Variants in SLC2A13 observed in about 807,000 individuals in gnomAD.
SLC2A13 encodes the protein proton myo-inositol cotransporter.
Under a neutral mutation model 64.4 loss-of-function variants are expected in SLC2A13, and 32 were observed. That is an observed-to-expected ratio of 0.50 (90% CI 0.37 to 0.67). SLC2A13 has a LOEUF of 0.67. Among genes scored for constraint, SLC2A13 ranks in the 30% least tolerant of loss-of-function variants. SLC2A13 has a pLI of 0.00. For synonymous variants in SLC2A13, 338 were observed against 327.1 expected (o/e 1.03, Z -0.36); for missense variants, 743 against 829.2 (o/e 0.90, Z 1.28).
chr12:39,787,482 G>A (rs999034659), intron 7 of SLC2A13, among the ~76,000 whole-genome samples: 4 of 151,716 alleles, frequency 2.6e-5, no homozygotes, highest in Admixed American at 2.6e-4. Context: ...GGGATTTCTA[G>A]GAGATTATTT....
chr12:39,829,838 C>T, intron 7 of SLC2A13: 1 of 408,774 alleles, frequency 2.4e-6, no homozygotes, highest in Non-Finnish European at 4.5e-6. Flanking sequence ...TTGTGAATAG[C>T]TGCCTAAAAC....
rs1410726499 is a variant in SLC2A13, at chr12:39,758,914, G to C, written c.*1112C>G. 3 of 151,726 alleles carry C rather than the reference G, an allele frequency of 2.0e-5. No homozygotes were observed. Among genetic ancestry groups the C allele is most frequent in the Non-Finnish European group, 4.4e-5 (3 of 67,816 alleles). 9.4% of individuals were successfully genotyped at this position (151,726 alleles called of 1,614,324 possible). A position where few individuals can be genotyped will look rare whatever the true frequency, so the allele number is the denominator to read the frequency against. ...ATAATAATATGTGACATTTCCCTTA[G>C]GAAGAGCTAATAAAAAGTTAAGAAA... On this transcript the variant is annotated 3_prime_UTR_variant, in exon 10 of 10. Coordinates refer to ENST00000280871, the MANE Select transcript of SLC2A13 (RefSeq NM_052885.4).
At chr12:39,910,184 T>A (rs1378349954) in intron 4 of SLC2A13, among the ~76,000 whole-genome samples, 2 of 152,050 alleles carry the variant, frequency 1.3e-5, no homozygotes, top group East Asian at 3.8e-4. Context: ...ACAAACACCC[T>A]AGCAACCCTA....
Position 39,839,300 on chromosome 12 carries a change from A to G in SLC2A13, c.1320-9072T>C, listed in dbSNP as rs1051066964. On this transcript the variant is annotated intron_variant, in intron 6 of 9. Transcript: ENST00000280871. The stretch of plus-strand genomic sequence containing the variant: ...GGAACACCTGCCTTCTTTCCCTGCC[A>G]GAGCATAGATGTCGGTTGATTTCCT... Among the ~76,000 whole-genome samples, 9 of 152,080 alleles carry G rather than the reference A, an allele frequency of 5.9e-5. 1 individual carries two copies. Among genetic ancestry groups the G allele is most frequent in the Non-Finnish European group, 1.3e-4 (9 of 67,994 alleles).
At chr12:39,843,641 T>G (rs1943231901) in intron 6 of SLC2A13, among the ~76,000 whole-genome samples, 1 of 152,048 alleles carries the variant, frequency 6.6e-6, no homozygotes, top group African/African-American at 2.4e-5. Flanking sequence ...CCAAAGCATT[T>G]ATTGCTAGTG....
At chr12:39,836,592 ATTG>A (rs1162407943) in intron 6 of SLC2A13, among the ~76,000 whole-genome samples, 2 of 149,294 alleles carry the variant, frequency 1.3e-5, no homozygotes, top group Non-Finnish European at 3.0e-5. Context: ...AGAAAACCCC[ATTG>A]TCTCAGCCCA....
At chr12:39,987,240 G>A (rs962089302) in intron 3 of SLC2A13, among the ~76,000 whole-genome samples, 5 of 152,172 alleles carry the variant, frequency 3.3e-5, no homozygotes, top group African/African-American at 1.2e-4. Flanking sequence ...GGATTTTAAT[G>A]TAGACAGACA....
At chr12:40,008,699 T>C (rs890963763) in intron 3 of SLC2A13, among the ~76,000 whole-genome samples, 18 of 151,814 alleles carry the variant, frequency 1.2e-4, no homozygotes, top group African/African-American at 4.4e-4. Context: ...TTCTAAAAGG[T>C]TGTGATTCGA....
intron 1 of SLC2A13, among the ~76,000 whole-genome samples, chr12:40,076,142 T>C (rs1001043797): frequency 2.0e-5 from 3 of 152,186 alleles, no homozygotes; most frequent in African/African-American, 7.2e-5. Flanking sequence ...TCTGAACATG[T>C]TGGATATTAT....
intron 7 of SLC2A13, among the ~76,000 whole-genome samples, chr12:39,804,407 A>G (rs1271093778): frequency 1.3e-5 from 2 of 152,206 alleles, no homozygotes; most frequent in Non-Finnish European, 2.9e-5. Flanking sequence ...GAAACTGACA[A>G]CTTCACAATC....
At chr12:39,886,654 T>C (rs2029970) in intron 4 of SLC2A13, among the ~76,000 whole-genome samples, 110,913 of 152,058 alleles carry the variant, frequency 0.73, 40,622 homozygotes, top group African/African-American at 0.78. Flanking sequence ...TCTCTACTTT[T>C]CTTTAAGTGT....
chr12:40,082,586 C>G (rs1938446185), intron 1 of SLC2A13, among the ~76,000 whole-genome samples: 1 of 152,192 alleles, frequency 6.6e-6, no homozygotes, highest in African/African-American at 2.4e-5. Context: ...AGGCCCCTTC[C>G]CATGAGCAAG....
At chr12:40,071,103 T>A (rs1374457979) in intron 1 of SLC2A13, among the ~76,000 whole-genome samples, 1 of 152,162 alleles carries the variant, frequency 6.6e-6, no homozygotes, top group Non-Finnish European at 1.5e-5. Context: ...TGGCACTTAG[T>A]GAATACAGGC....
chr12:39,876,722 G>A (rs946176295), intron 4 of SLC2A13, among the ~76,000 whole-genome samples: 2 of 152,092 alleles, frequency 1.3e-5, no homozygotes, highest in Non-Finnish European at 2.9e-5. Flanking sequence ...AAAATAAAAT[G>A]TATCAGCTCA....
chr12:39,902,203 G>C (rs543883929), intron 4 of SLC2A13, among the ~76,000 whole-genome samples: 5 of 125,876 alleles, frequency 4.0e-5, no homozygotes, highest in African/African-American at 8.8e-5. Flanking sequence ...GGGGTGGGGT[G>C]GGGGGAGGGA....
chr12:39,932,506 G>A (rs1296644861), intron 4 of SLC2A13, among the ~76,000 whole-genome samples: 3 of 152,332 alleles, frequency 2.0e-5, no homozygotes, highest in Non-Finnish European at 4.4e-5. Context: ...TATTTTTTGA[G>A]TGCCTACTGT....
intron 3 of SLC2A13, among the ~76,000 whole-genome samples, chr12:40,016,848 G>GT (rs1183343512): frequency 2.6e-5 from 4 of 152,092 alleles, no homozygotes; most frequent in Non-Finnish European, 4.4e-5. Flanking sequence ...CAAAAAATAA[G>GT]TTTTTTCGAT....
chr12:39,765,753 A>T (rs1223024320), intron 7 of SLC2A13, among the ~76,000 whole-genome samples: 1 of 152,082 alleles, frequency 6.6e-6, no homozygotes, highest in African/African-American at 2.4e-5. Flanking sequence ...GTTCCAGGAC[A>T]CATGCACAGG....
chr12:39,851,480 G>C (rs778017444), intron 6 of SLC2A13, among the ~76,000 whole-genome samples: 5 of 152,124 alleles, frequency 3.3e-5, no homozygotes, highest in Non-Finnish European at 5.9e-5. Context: ...TAGTGTAAAG[G>C]TTAGTGATTT....
Sources: gnomAD v4.1 joint callset for allele counts (sites outside exome capture counted in the v4.1 genomes callset) on GRCh38, gnomAD v4.1.1 for gene constraint, MANE v1.5 for transcripts, NCBI Gene and HGNC (gene_info 2026-07-23, HGNC 2026-07-21) for gene names.